ERI1: variants seen among roughly 807,000 people sequenced by gnomAD.
ERI1 encodes the protein exoribonuclease 1, also known as 3'-5' exoribonuclease 1.
A neutral mutation model predicts 39.7 loss-of-function variants in ERI1; 39 were observed. The ratio of observed to expected loss-of-function variants is 0.98; its 90% confidence interval spans 0.76 to 1.28. ERI1 has a LOEUF of 1.28. Ranked by LOEUF, ERI1 falls within the 50% of genes most tolerant of loss-of-function variation. The pLI is 0.00. For synonymous variants in ERI1, 204 were observed against 149.6 expected (o/e 1.36, Z -2.65); for missense variants, 581 against 416.9 (o/e 1.39, Z -3.43).
At chr8:9,024,823 C>T (rs1267828714) in intron 6 of ERI1, among the ~76,000 whole-genome samples, 1 of 150,986 alleles carries the variant, frequency 6.6e-6, no homozygotes, top group Admixed American at 6.6e-5. Flanking sequence ...AATGTGTTTT[C>T]TTTTTTTTTG....
At chr8:9,023,159 T>C (rs937971059) in intron 6 of ERI1, among the ~76,000 whole-genome samples, 6 of 152,292 alleles carry the variant, frequency 3.9e-5, no homozygotes, top group Middle Eastern at 3.4e-3. Flanking sequence ...TACATCTCTT[T>C]AGTTTTTTTT....
At chr8:9,011,446 T>G in intron 2 of ERI1, 96 bp from the exon 3 acceptor site, 2 of 673,406 alleles carry the variant, frequency 3.0e-6, no homozygotes, top group Non-Finnish European at 4.6e-6. Flanking sequence ...AATTTCGCTG[T>G]GATTGTCAGT....
Position 9,004,541 on chromosome 8 carries a change from C to G in ERI1, c.108+1370C>G, listed in dbSNP as rs1289892256. 5.6e-5 allele frequency among the ~76,000 whole-genome samples: 8 copies of G among 142,338 alleles called. No individual in the cohort carries two copies. In the Admixed American group the frequency reaches 5.8e-4, roughly 10 times the overall value. The allele number at this position is 142,338 out of a possible 152,430, so 93.4% of individuals were successfully genotyped here. A position where few individuals can be genotyped will look rare whatever the true frequency, so the allele number is the denominator to read the frequency against. The stretch of plus-strand genomic sequence containing the variant: ...AAAGCCGGTCGTAGTTGCCCTCTCC[C>G]GTAGTCCCAGCTACTGGGGAGGCTC... On this transcript the variant is annotated intron_variant, in intron 1 of 6. Coordinates refer to ENST00000250263, the MANE Select transcript of ERI1 (RefSeq NM_153332.4).
chr8:9,029,771 A>G (rs1313845091), intron 6 of ERI1, 21 bp from the exon 7 acceptor site: 2 of 1,613,710 alleles, frequency 1.2e-6, no homozygotes, highest in Non-Finnish European at 1.7e-6. Flanking sequence ...AGAATTATTT[A>G]CTAAGCTGTT....
chr8:9,012,490 G>T (rs1241022398), intron 3 of ERI1, among the ~76,000 whole-genome samples: 1 of 152,144 alleles, frequency 6.6e-6, no homozygotes, highest in Non-Finnish European at 1.5e-5. Context: ...AAAAGGTTTT[G>T]TGAATTAAAA....
chr8:9,016,452 A>G, intron 4 of ERI1, 47 bp downstream of exon 4: 1 of 1,204,300 alleles, frequency 8.3e-7, no homozygotes, highest in South Asian at 1.5e-5. Flanking sequence ...GAGTTCTTGA[A>G]ATTAGGGATT....
intron 6 of ERI1, 50 bp from the exon 7 acceptor site, chr8:9,029,742 T>C (rs1180369679): frequency 5.0e-6 from 8 of 1,602,676 alleles, no homozygotes; most frequent in Non-Finnish European, 6.0e-6. Flanking sequence ...GTGGCTTATA[T>C]TACAGTTTAG....
intron 3 of ERI1, chr8:9,096,914 CATT>C (rs1372211998): frequency 1.3e-5 from 2 of 151,970 alleles, no homozygotes; most frequent in African/African-American, 4.8e-5. Flanking sequence ...TTTCTCCTGA[CATT>C]CTTCTTTTCT....
At chr8:9,068,410 C>T (rs147205767) in intron 3 of ERI1, among the ~76,000 whole-genome samples, 10 of 152,256 alleles carry the variant, frequency 6.6e-5, no homozygotes, top group Non-Finnish European at 1.0e-4. Flanking sequence ...CATCATAGCT[C>T]GCTGCAGGCC....
chr8:9,034,990 C>T (rs940129071), downstream of ERI1, among the ~76,000 whole-genome samples: 2 of 152,186 alleles, frequency 1.3e-5, no homozygotes, highest in Non-Finnish European at 1.5e-5. Context: ...TTTCCTTAAG[C>T]CAAAGCCTAA....
chr8:9,028,614 A>C (rs1797357514), intron 6 of ERI1, among the ~76,000 whole-genome samples: 1 of 152,018 alleles, frequency 6.6e-6, no homozygotes, highest in Admixed American at 6.6e-5. Context: ...ATATGAAGAA[A>C]ATATAACAAT....
At chr8:9,021,835 T>G (rs1377156380) in intron 6 of ERI1, among the ~76,000 whole-genome samples, 2 of 151,308 alleles carry the variant, frequency 1.3e-5, no homozygotes, top group Non-Finnish European at 2.9e-5. Context: ...GTCACTGCAG[T>G]TCATTCACTT....
intron 6 of ERI1, among the ~76,000 whole-genome samples, chr8:9,020,919 T>G (rs959763223): frequency 2.0e-5 from 3 of 152,206 alleles, no homozygotes; most frequent in Non-Finnish European, 2.9e-5. Flanking sequence ...CTGTTTTTGT[T>G]TTTGTTTTTG....
At chr8:9,098,044 C>T (rs943485060) in intron 3 of ERI1, among the ~76,000 whole-genome samples, 1 of 152,192 alleles carries the variant, frequency 6.6e-6, no homozygotes, top group African/African-American at 2.4e-5. Flanking sequence ...ATCGCATGTT[C>T]TCACTCCTAA....
At chr8:9,048,938 G>A (rs538605130) in intron 3 of ERI1, among the ~76,000 whole-genome samples, 15 of 152,124 alleles carry the variant, frequency 9.9e-5, no homozygotes, top group East Asian at 1.9e-4. Context: ...GAGCCACCGC[G>A]CTCGGCCAGC....
chr8:9,063,612 G>A (rs1798775599), intron 3 of ERI1, among the ~76,000 whole-genome samples: 1 of 152,104 alleles, frequency 6.6e-6, no homozygotes, highest in African/African-American at 2.4e-5. Flanking sequence ...CAGGCGGGAG[G>A]GAAAGAAGGA....
At chr8:9,033,540 CTG>C (rs201759644), downstream of ERI1, among the ~76,000 whole-genome samples, 1,002 of 149,434 alleles carry the variant, frequency 6.7e-3, 12 homozygotes, top group African/African-American at 0.023. Flanking sequence ...AGAAATGCGA[CTG>C]TGATGAGAGC....
chr8:9,081,083 C>G (rs901573729), intron 3 of ERI1, among the ~76,000 whole-genome samples: 1 of 152,206 alleles, frequency 6.6e-6, no homozygotes, highest in African/African-American at 2.4e-5. Context: ...GCACGTCTTA[C>G]ATGGCAGCAG....
rs1285607407 is a variant in ERI1 at position 9,003,102 on chromosome 8, C to T, written c.39C>T (p.Ala13=). The T allele has an allele frequency of 3.3e-5, 41 of 1,247,272 alleles. No homozygotes were observed. Among genetic ancestry groups the T allele is most frequent in the South Asian group, 4.0e-5 (1 of 25,106 alleles). 77.3% of individuals were successfully genotyped at this position (1,247,272 alleles called of 1,614,324 possible). A position where few individuals can be genotyped will look rare whatever the true frequency, so the allele number is the denominator to read the frequency against. ...AGAGTAAAGAGCCTGCCGGCGAGGCCGTGGCTCTCGCGCTGCTGGAGTCGC... is the reference window on the plus strand; with the variant it reads ...AGAGTAAAGAGCCTGCCGGCGAGGCTGTGGCTCTCGCGCTGCTGGAGTCGC... ...DPQSKEPAGE[A]VALALLESPR... is the part of the protein sequence containing the mutation. The change falls in exon 1 of 7, where the codon GCC becomes GCT. Residue 13 remains alanine (A), a synonymous_variant. Coordinates refer to ENST00000250263, the MANE Select transcript of ERI1 (RefSeq NM_153332.4).
Sources: allele counts gnomAD v4.1 joint callset (sites outside exome capture counted in the v4.1 genomes callset), GRCh38; gene constraint gnomAD v4.1.1; transcripts MANE v1.5; gene names NCBI Gene and HGNC (gene_info 2026-07-23, HGNC 2026-07-21).